LRRC14: variants seen among roughly 807,000 people sequenced by gnomAD.
LRRC14 encodes leucine-rich repeat-containing protein 14.
In LRRC14, 16 loss-of-function variants were observed where a neutral mutation model predicts 25.3. That is an observed-to-expected ratio of 0.63 (90% CI 0.43 to 0.96). LRRC14 has a LOEUF of 0.96. LRRC14 is among the 40% of genes least tolerant of loss of function. LRRC14 has a pLI of 0.00. For missense variants in LRRC14, 594 were observed against 660.5 expected, an observed-to-expected ratio of 0.90 and a Z score of 1.10; for synonymous variants, 359 against 295.1, an observed-to-expected ratio of 1.22 and a Z score of -2.22.
chr8:144,521,631 C>T lies in LRRC14; in HGVS notation c.*153C>T, dbSNP rs778449891. Reference sequence around the variant, plus strand: ...CTTCTGGGCACACCTCAAGCCTCCCCTGCTTTCTGCAGTGCCCCACGCGGT... The same window carrying T: ...CTTCTGGGCACACCTCAAGCCTCCCTTGCTTTCTGCAGTGCCCCACGCGGT... On this transcript the variant is annotated 3_prime_UTR_variant, in exon 4 of 4. Coordinates refer to ENST00000292524, the MANE Select transcript of LRRC14 (RefSeq NM_014665.4). 227 of 750,708 alleles carry T rather than the reference C, an allele frequency of 3.0e-4. No homozygotes were observed. The Middle Eastern group carries it at 3.1e-3, about 10-fold the overall frequency. The allele number at this position is 750,708 out of a possible 1,614,324, so 46.5% of individuals were successfully genotyped here. A position where few individuals can be genotyped will look rare whatever the true frequency, so the allele number is the denominator to read the frequency against.
In LRRC14 at chr8:144,524,049, A is replaced by C. The variant is rs1420829168; in HGVS notation, c.*2571A>C. 1.7e-5 allele frequency: 26 copies of C among 1,559,060 alleles called. No homozygotes were observed. Among genetic ancestry groups the C allele is most frequent in the Non-Finnish European group, 2.2e-5 (25 of 1,146,248 alleles). ...TGATGTCAGAGCCCCTCCACACATG[A>C]GCCTGCTCCCTACTGCCAACACCGT... is the stretch of plus-strand genomic sequence containing the variant. On this transcript the variant is annotated 3_prime_UTR_variant, in exon 4 of 4. Transcript: ENST00000292524.
rs917667297 is a variant in LRRC14 at position 144,522,757 on chromosome 8, G to C, written c.*1279G>C. On this transcript the variant is annotated 3_prime_UTR_variant, in exon 4 of 4. Coordinates refer to ENST00000292524, the MANE Select transcript of LRRC14 (RefSeq NM_014665.4). The stretch of plus-strand genomic sequence containing the variant: ...GCCGGCGACAGATCATGGCGACCAG[G>C]AGCAGCGCCGTGAGCGCCAGCAGCG... 6 of 1,579,408 alleles carry C rather than the reference G, an allele frequency of 3.8e-6. No individual in the cohort carries two copies. Among genetic ancestry groups the C allele is most frequent in the African/African-American group, 2.7e-5 (2 of 72,744 alleles).
In LRRC14 at chr8:144,521,087, C is replaced by G; in HGVS notation, c.1091C>G (p.Ala364Gly). The change falls in exon 4 of 4, where the codon GCA (alanine) becomes GGA (glycine). Residue 364 changes from alanine (A) to glycine (G), a missense_variant. Ala to Gly is a moderately conservative substitution (Grantham distance 60, BLOSUM62 0). Coordinates refer to ENST00000292524, the MANE Select transcript of LRRC14 (RefSeq NM_014665.4). ...TTCCAGGGTCTGTTGCAGGCATCAG[C>G]AGCCACACTGTTGCATCTGGAGCTG... ...APFQGLLQAS[A>G]ATLLHLELTE... 1 of 1,613,102 alleles carries G rather than the reference C, an allele frequency of 6.2e-7. No individual in the cohort carries two copies. Among genetic ancestry groups the G allele is most frequent in the Non-Finnish European group, 8.5e-7 (1 of 1,180,046 alleles).
chr8:144,522,799 G>A lies in LRRC14; in HGVS notation c.*1321G>A, dbSNP rs751697335. 6 of 1,540,394 alleles carry A rather than the reference G, an allele frequency of 3.9e-6. No homozygotes were observed. The highest frequency in any genetic ancestry group is 2.6e-6 in the Non-Finnish European group (3 of 1,148,218). On this transcript the variant is annotated 3_prime_UTR_variant, in exon 4 of 4. Coordinates refer to ENST00000292524, the MANE Select transcript of LRRC14 (RefSeq NM_014665.4). ...CCAGCAGCGCGATGGCCGCCGCAAT[G>A]GCCGTCTGTGTGGCCACGCCCAGGG...
chr8:144,524,441 C>G lies in LRRC14; in HGVS notation c.*2963C>G, dbSNP rs759410316. 1 of 1,597,794 alleles carries G rather than the reference C, an allele frequency of 6.3e-7. No individual in the cohort carries two copies. The highest frequency in any genetic ancestry group is 2.2e-5 in the East Asian group (1 of 44,874). On this transcript the variant is annotated 3_prime_UTR_variant, in exon 4 of 4. Coordinates refer to ENST00000292524, the MANE Select transcript of LRRC14 (RefSeq NM_014665.4). ...GCCCCTTTAGACCCCAGGCGCTCACCGGCAGGTGCAAGAAGGTGAAATCCA... is the reference window on the plus strand; with the variant it reads ...GCCCCTTTAGACCCCAGGCGCTCACGGGCAGGTGCAAGAAGGTGAAATCCA...
Position 144,522,512 on chromosome 8 carries a change from C to T in LRRC14, c.*1034C>T, listed in dbSNP as rs776668995. 7.3e-6 allele frequency: 11 copies of T among 1,500,918 alleles called. No homozygotes were observed. Among genetic ancestry groups the T allele is most frequent in the Admixed American group, 4.6e-5 (2 of 43,174 alleles). The allele number at this position is 1,500,918 out of a possible 1,614,324, so 93.0% of individuals were successfully genotyped here. On this transcript the variant is annotated 3_prime_UTR_variant, in exon 4 of 4. Coordinates refer to ENST00000292524, the MANE Select transcript of LRRC14 (RefSeq NM_014665.4). Reference sequence around the variant, plus strand: ...CTCGTAGGCGACCGGCGGGGGCACGCGGAGTCCCGGCCCCGCCCCCTGTTC... The same window carrying T: ...CTCGTAGGCGACCGGCGGGGGCACGTGGAGTCCCGGCCCCGCCCCCTGTTC...
rs1308191505 is a variant in LRRC14 at position 144,523,519 on chromosome 8, T to C, written c.*2041T>C. On this transcript the variant is annotated 3_prime_UTR_variant, in exon 4 of 4. Transcript: ENST00000292524. ...GGCCTCTTTCCCACCTCCCACAGCG[T>C]TTTCACACGGAGTCCAAGGCCCTGC... 3.6e-6 allele frequency: 5 copies of C among 1,406,028 alleles called. No individual in the cohort carries two copies. The highest frequency in any genetic ancestry group is 4.6e-6 in the Non-Finnish European group (5 of 1,089,836). 87.1% of individuals were successfully genotyped at this position (1,406,028 alleles called of 1,614,324 possible).
Position 144,522,555 on chromosome 8 carries a change from G to A in LRRC14, c.*1077G>A, listed in dbSNP as rs529876907. The A allele has an allele frequency of 2.5e-5, 38 of 1,538,036 alleles. No individual in the cohort carries two copies. The highest frequency in any genetic ancestry group is 1.2e-4 in the Admixed American group (6 of 49,398). On this transcript the variant is annotated 3_prime_UTR_variant, in exon 4 of 4. Coordinates refer to ENST00000292524, the MANE Select transcript of LRRC14 (RefSeq NM_014665.4). ...CCCTGTTCCGGGCCGCAGTCAGCGG[G>A]CGCCTCCGCCGGACCCTCGGCGAAG...
At position 144,522,844 on chromosome 8, in the gene LRRC14, C is replaced by A; in HGVS notation, c.*1366C>A. 1 of 1,346,396 alleles carries A rather than the reference C, an allele frequency of 7.4e-7. No individual in the cohort carries two copies. Among genetic ancestry groups the A allele is most frequent in the South Asian group, 1.9e-5 (1 of 52,958 alleles). The allele number at this position is 1,346,396 out of a possible 1,614,324, so 83.4% of individuals were successfully genotyped here. ...CCAGGGCGCGGAAGGCCATGCTGCC[C>A]GCCTCGGGCCGGGGCTCGCTGCCGG... is the stretch of plus-strand genomic sequence containing the variant. On this transcript the variant is annotated 3_prime_UTR_variant, in exon 4 of 4. Transcript: ENST00000292524.
rs1395238272 is a variant in LRRC14 at position 144,519,913 on chromosome 8, A to G, written c.188A>G (p.Gln63Arg). 1.2e-6 allele frequency: 2 copies of G among 1,613,192 alleles called. No homozygotes were observed. Among genetic ancestry groups the G allele is most frequent in the Admixed American group, 3.3e-5 (2 of 60,008 alleles). ...TWPFPLLSFQ[Q>R]LLQECAHCSR... ...CCCTTCCCGCTGCTCAGTTTCCAGC[A>G]GCTGCTACAGGAGTGTGCCCACTGC... is the stretch of plus-strand genomic sequence containing the variant. Residue 63 changes from glutamine to arginine, a missense_variant, in exon 2 of 4, where the codon CAG becomes CGG. Physicochemically the swap from Gln to Arg is conservative, Grantham distance 43. Transcript: ENST00000292524.
At chr8:144,519,000 AC>A (rs1352120173) in intron 1 of LRRC14, among the ~76,000 whole-genome samples, 1 of 152,254 alleles carries the variant, frequency 6.6e-6, no homozygotes, top group Non-Finnish European at 1.5e-5. Context: ...GTAAGGGCCA[AC>A]AAAGGTGAGG....
In LRRC14 at chr8:144,519,616, C is replaced by T. The variant is rs1189952586; in HGVS notation, c.-110C>T. 5.3e-6 allele frequency: 5 copies of T among 937,154 alleles called. No individual in the cohort carries two copies. The highest frequency in any genetic ancestry group is 5.3e-5 in the East Asian group (2 of 37,808). 58.1% of individuals were successfully genotyped at this position (937,154 alleles called of 1,614,324 possible). A position where few individuals can be genotyped will look rare whatever the true frequency, so the allele number is the denominator to read the frequency against. ...TGCTAACTGCTGACTTTGTTTCAGG[C>T]ACTATGCTGGGCCTTCCTACCACTT... On this transcript the variant is annotated splice_region_variant and 5_prime_UTR_variant, in exon 2 of 4. Transcript: ENST00000292524.
Position 144,523,931 on chromosome 8 carries a change from G to T in LRRC14, c.*2453G>T. The T allele has an allele frequency of 2.8e-6, 2 of 702,532 alleles. No homozygotes were observed. The highest frequency in any genetic ancestry group is 4.8e-6 in the Non-Finnish European group (2 of 415,414). The allele number at this position is 702,532 out of a possible 1,614,324, so 43.5% of individuals were successfully genotyped here. ...GTCTTCTGTTTTCCCCAGGCAGGGTGCCTGAGCTGTATTCCCCAGCACACC... is the reference window on the plus strand; with the variant it reads ...GTCTTCTGTTTTCCCCAGGCAGGGTTCCTGAGCTGTATTCCCCAGCACACC... On this transcript the variant is annotated 3_prime_UTR_variant, in exon 4 of 4. Coordinates refer to ENST00000292524, the MANE Select transcript of LRRC14 (RefSeq NM_014665.4).
In LRRC14 at chr8:144,523,382, A is replaced by C; in HGVS notation, c.*1904A>C. On this transcript the variant is annotated 3_prime_UTR_variant, in exon 4 of 4. Transcript: ENST00000292524. ...CTTGATCCAGGCACCCAGCCAGTGC[A>C]GGGCGCAGTCACAGCGCCATGGGTT... 1 of 1,554,522 alleles carries C rather than the reference A, an allele frequency of 6.4e-7. No homozygotes were observed. Among genetic ancestry groups the C allele is most frequent in the East Asian group, 2.3e-5 (1 of 44,094 alleles).
At position 144,522,138 on chromosome 8, in the gene LRRC14, C is replaced by G. The variant is rs1270555296; in HGVS notation, c.*660C>G. On this transcript the variant is annotated 3_prime_UTR_variant, in exon 4 of 4. Transcript: ENST00000292524. ...CCATCCAGCCTGTCGCCCCGCCCTTCGCGGGGCAGCCCCGTCGGCACTGCC... is the reference window on the plus strand; with the variant it reads ...CCATCCAGCCTGTCGCCCCGCCCTTGGCGGGGCAGCCCCGTCGGCACTGCC... The G allele has an allele frequency of 6.5e-6, 2 of 309,418 alleles. No individual in the cohort carries two copies. The highest frequency in any genetic ancestry group is 1.2e-5 in the Non-Finnish European group (2 of 168,340). 19.2% of individuals were successfully genotyped at this position (309,418 alleles called of 1,614,324 possible). A position where few individuals can be genotyped will look rare whatever the true frequency, so the allele number is the denominator to read the frequency against.
Position 144,524,326 on chromosome 8 carries a change from G to C in LRRC14, c.*2848G>C, listed in dbSNP as rs1438414372. 2 of 1,602,224 alleles carry C rather than the reference G, an allele frequency of 1.2e-6. No individual in the cohort carries two copies. Among genetic ancestry groups the C allele is most frequent in the South Asian group, 2.2e-5 (2 of 91,018 alleles). On this transcript the variant is annotated 3_prime_UTR_variant, in exon 4 of 4. Coordinates refer to ENST00000292524, the MANE Select transcript of LRRC14 (RefSeq NM_014665.4). Reference sequence around the variant, plus strand: ...TGAGGAAAAAGGGCGCCGAGGTTGGGGGCATGTCTCTCTTCTTACCAAGCT... The same window carrying C: ...TGAGGAAAAAGGGCGCCGAGGTTGGCGGCATGTCTCTCTTCTTACCAAGCT...
chr8:144,523,592 C>G lies in LRRC14; in HGVS notation c.*2114C>G. The G allele has an allele frequency of 6.7e-6, 6 of 899,536 alleles. No individual in the cohort carries two copies. The highest frequency in any genetic ancestry group is 9.2e-6 in the Non-Finnish European group (6 of 654,212). 55.7% of individuals were successfully genotyped at this position (899,536 alleles called of 1,614,324 possible). ...TCCTTGGGGCGGCAGGCCCTTCACC[C>G]TCGCCCCCCTCCCCTTTAGCTCTGT... On this transcript the variant is annotated 3_prime_UTR_variant, in exon 4 of 4. Transcript: ENST00000292524.
Position 144,522,718 on chromosome 8 carries a change from T to C in LRRC14, c.*1240T>C. The stretch of plus-strand genomic sequence containing the variant: ...CCTCCCCCGGAGGCCCCCGCGCCTT[T>C]TTTCGCCTGCGGCGCCGGCGACAGA... On this transcript the variant is annotated 3_prime_UTR_variant, in exon 4 of 4. Coordinates refer to ENST00000292524, the MANE Select transcript of LRRC14 (RefSeq NM_014665.4). The C allele has an allele frequency of 6.3e-7, 1 of 1,595,824 alleles. No homozygotes were observed. The highest frequency in any genetic ancestry group is 8.5e-7 in the Non-Finnish European group (1 of 1,172,374).
Position 144,524,634 on chromosome 8 carries a change from T to C in LRRC14, c.*3156T>C, listed in dbSNP as rs1172740187. ...CTCCAGGGCGCGCAGGCTGTTGTTGTGCAGGTAGAGCCGGCGCAGAGCGGC... is the reference window on the plus strand; with the variant it reads ...CTCCAGGGCGCGCAGGCTGTTGTTGCGCAGGTAGAGCCGGCGCAGAGCGGC... On this transcript the variant is annotated 3_prime_UTR_variant, in exon 4 of 4. Coordinates refer to ENST00000292524, the MANE Select transcript of LRRC14 (RefSeq NM_014665.4). The C allele has an allele frequency of 6.6e-7, 1 of 1,520,904 alleles. No homozygotes were observed. Among genetic ancestry groups the C allele is most frequent in the Non-Finnish European group, 8.8e-7 (1 of 1,142,456 alleles). The allele number at this position is 1,520,904 out of a possible 1,614,324, so 94.2% of individuals were successfully genotyped here. A position where few individuals can be genotyped will look rare whatever the true frequency, so the allele number is the denominator to read the frequency against.
Sources: gnomAD v4.1 joint callset for allele counts (sites outside exome capture counted in the v4.1 genomes callset) on GRCh38, gnomAD v4.1.1 for gene constraint, MANE v1.5 for transcripts, NCBI Gene and HGNC (gene_info 2026-07-23, HGNC 2026-07-21) for gene names.